The following CDH1 variants were observed in gnomAD, a reference collection of about 807,000 sequenced individuals.
CDH1 encodes cadherin-1.
In CDH1, 35 loss-of-function variants were observed where a neutral mutation model predicts 84.5. That is an observed-to-expected ratio of 0.41 (90% CI 0.32 to 0.55). CDH1 has a LOEUF of 0.55. Ranked by LOEUF, CDH1 falls within the 20% of genes least tolerant of loss-of-function variation. The pLI, the probability that CDH1 is intolerant of heterozygous loss-of-function variation, is 0.19. For synonymous variants in CDH1, 417 were observed against 439.0 expected (o/e 0.95, Z 0.63); for missense variants, 994 against 1,126.6 (o/e 0.88, Z 1.68).
chr16:68,786,320 C>T (rs1331394668), intron 2 of CDH1, among the ~76,000 whole-genome samples: 7 of 151,924 alleles, frequency 4.6e-5, no homozygotes, highest in South Asian at 2.1e-4. Flanking sequence ...TACAGGTGCC[C>T]GCCACCATGC....
chr16:68,835,122 A>G lies in CDH1; in HGVS notation c.*1623A>G, dbSNP rs1961602702. The G allele has an allele frequency of 4.3e-6, 1 of 231,678 alleles. No homozygotes were observed. Among genetic ancestry groups the G allele is most frequent in the Non-Finnish European group, 8.5e-6 (1 of 117,148 alleles). 14.4% of individuals were successfully genotyped at this position (231,678 alleles called of 1,614,324 possible). A position where few individuals can be genotyped will look rare whatever the true frequency, so the allele number is the denominator to read the frequency against. On this transcript the variant is annotated 3_prime_UTR_variant, in exon 16 of 16. Transcript: ENST00000261769. ...GTGCACAGAAAACCGAGAATATTCAAAATTCCAAATTTTTTTCTTAGGAGC... is the reference window on the plus strand; with the variant it reads ...GTGCACAGAAAACCGAGAATATTCAGAATTCCAAATTTTTTTCTTAGGAGC...
chr16:68,805,794 C>G (rs1482572201), intron 3 of CDH1, among the ~76,000 whole-genome samples: 1 of 152,054 alleles, frequency 6.6e-6, no homozygotes, highest in Non-Finnish European at 1.5e-5. Flanking sequence ...AGGATTTCAC[C>G]ATGTTGGCCA....
At chr16:68,766,361 A>G (rs1360700147) in intron 2 of CDH1, among the ~76,000 whole-genome samples, 1 of 152,174 alleles carries the variant, frequency 6.6e-6, no homozygotes, top group Non-Finnish European at 1.5e-5. Context: ...AAGATTCACA[A>G]CTTGTCCCTA....
At chr16:68,829,179 G>T (rs1477168923) in intron 14 of CDH1, among the ~76,000 whole-genome samples, 1 of 152,160 alleles carries the variant, frequency 6.6e-6, no homozygotes, top group African/African-American at 2.4e-5. Flanking sequence ...TAGCTGAATG[G>T]CTCTAACCTG....
At chr16:68,819,822 C>G (rs1175490698) in intron 11 of CDH1, among the ~76,000 whole-genome samples, 2 of 152,134 alleles carry the variant, frequency 1.3e-5, no homozygotes, top group African/African-American at 2.4e-5. Flanking sequence ...ATTCGTTTCA[C>G]TTGAGACAAT....
intron 2 of CDH1, chr16:68,765,048 G>T (rs1174360251): frequency 2.6e-5 from 4 of 152,152 alleles, no homozygotes; most frequent in Admixed American, 6.6e-5. Context: ...CCTGCTGTCT[G>T]CGGAGAAGCC....
In CDH1 at chr16:68,795,379, G is replaced by A. The variant is rs138301353; in HGVS notation, c.164-6291G>A. On this transcript the variant is annotated intron_variant, in intron 2 of 15. Transcript: ENST00000261769. ...TTAAGAGATGGGGTCTTACTATGTT[G>A]CCCAGGCTAGTCTCAAACTCCTGGG... is the stretch of plus-strand genomic sequence containing the variant. Among the ~76,000 whole-genome samples, 50 of 152,162 alleles carry A rather than the reference G, an allele frequency of 3.3e-4. 1 individual carries two copies. The Middle Eastern group carries it at 0.01, about 31-fold the overall frequency.
chr16:68,755,237 C>G (rs1001690310), intron 2 of CDH1, among the ~76,000 whole-genome samples: 2 of 135,818 alleles, frequency 1.5e-5, no homozygotes, highest in Non-Finnish European at 1.5e-5. Flanking sequence ...TAGCCATGAT[C>G]GTACCACTGC....
intron 2 of CDH1, among the ~76,000 whole-genome samples, chr16:68,759,818 A>C (rs561632152): frequency 1.3e-5 from 2 of 151,934 alleles, no homozygotes; most frequent in Non-Finnish European, 2.9e-5. Context: ...CCAAATCATA[A>C]ACAGAAGCTT....
chr16:68,813,224 C>CA, intron 8 of CDH1, 89 bp from the exon 9 acceptor site: 3 of 1,348,712 alleles, frequency 2.2e-6, no homozygotes, highest in Non-Finnish European at 3.2e-6. Context: ...AAAAGAACAA[C>CA]AAAAAAAGAG....
At chr16:68,813,564 T>C (rs764843121) in intron 9 of CDH1, 69 bp downstream of exon 9, 1 of 1,474,302 alleles carries the variant, frequency 6.8e-7, no homozygotes, top group African/African-American at 1.4e-5. Flanking sequence ...TGTCCCCTGG[T>C]ATCTTCTTAG....
chr16:68,749,903 G>A (rs942060352), intron 2 of CDH1, among the ~76,000 whole-genome samples: 19 of 152,130 alleles, frequency 1.2e-4, no homozygotes, highest in East Asian at 1.9e-4. Flanking sequence ...TAAAGGAAAC[G>A]AATTCCCTTC....
intron 2 of CDH1, among the ~76,000 whole-genome samples, chr16:68,758,641 A>G (rs1354660159): frequency 7.8e-6 from 1 of 128,570 alleles, no homozygotes; most frequent in African/African-American, 2.9e-5. Context: ...TTTCTGCTTT[A>G]GACTTGTGTC....
In CDH1 at chr16:68,833,450, A is replaced by G. The variant is rs587782623; in HGVS notation, c.2600A>G (p.Asn867Ser). 9.9e-6 allele frequency: 16 copies of G among 1,614,170 alleles called. No homozygotes were observed. Among genetic ancestry groups the G allele is most frequent in the South Asian group, 6.6e-5 (6 of 91,076 alleles). ...QDYDYLNEWG[N>S]RFKKLADMYG... ...TATGACTACTTGAACGAATGGGGCA[A>G]TCGCTTCAAGAAGCTGGCTGACATG... The change falls in exon 16 of 16, where the codon AAT becomes AGT. Residue 867 changes from asparagine (N) to serine (S), a missense_variant. This residue lies in a region of CDH1 where 769 missense variants were observed against 881.8 expected (regional missense o/e 0.87). Coordinates refer to ENST00000261769, the MANE Select transcript of CDH1 (RefSeq NM_004360.5).
intron 2 of CDH1, among the ~76,000 whole-genome samples, chr16:68,787,795 A>G (rs1172523857): frequency 6.8e-6 from 1 of 147,642 alleles, no homozygotes; most frequent in Non-Finnish European, 1.5e-5. Flanking sequence ...AGTAGCTGGG[A>G]TTATAGACAC....
intron 2 of CDH1, among the ~76,000 whole-genome samples, chr16:68,743,331 C>CT (rs1555510210): frequency 8.0e-5 from 2 of 25,084 alleles, no homozygotes; most frequent in Non-Finnish European, 1.9e-4. Flanking sequence ...TTCTTTCTTT[C>CT]TTTCTTTCTT....
chr16:68,811,582 A>G (rs1338963449), intron 6 of CDH1, 102 bp from the exon 7 acceptor site: 2 of 1,006,576 alleles, frequency 2.0e-6, no homozygotes, highest in African/African-American at 1.6e-5. Context: ...TACCACCCCC[A>G]TGTCCCCTCC....
intron 2 of CDH1, among the ~76,000 whole-genome samples, chr16:68,747,412 G>A (rs1263703517): frequency 2.6e-5 from 4 of 152,052 alleles, no homozygotes; most frequent in Non-Finnish European, 5.9e-5. Context: ...TTCTCTTTCT[G>A]GGCTTTTCAT....
chr16:68,796,857 G>A (rs1960375723), intron 2 of CDH1, among the ~76,000 whole-genome samples: 1 of 152,122 alleles, frequency 6.6e-6, no homozygotes, highest in Non-Finnish European at 1.5e-5. Context: ...ACTGCCTCCT[G>A]GCCAGGCACA....
Sources: gnomAD v4.1 joint callset for allele counts (sites outside exome capture counted in the v4.1 genomes callset) on GRCh38, gnomAD v4.1.1 for gene constraint, gnomAD v4.1.1 regional missense constraint, MANE v1.5 for transcripts, NCBI Gene and HGNC (gene_info 2026-07-23, HGNC 2026-07-21) for gene names.